AKT1: variants seen among roughly 807,000 people sequenced by gnomAD.
AKT1 encodes RAC-alpha serine/threonine-protein kinase.
Under a neutral mutation model 63.1 loss-of-function variants are expected in AKT1, and 21 were observed. The ratio of observed to expected loss-of-function variants is 0.33; its 90% CI spans 0.24 to 0.48. The LOEUF is 0.48. AKT1 is among the 20% of genes least tolerant of loss of function. The probability of loss-of-function intolerance (pLI) is 0.99; values close to 1 mark genes in which losing one functional copy is unlikely to be tolerated. For missense variants in AKT1, 382 were observed against 666.0 expected, an observed-to-expected ratio of 0.57 and a Z score of 4.69; for synonymous variants, 257 against 253.1, an observed-to-expected ratio of 1.02 and a Z score of -0.15.
chr14:104,775,963 C>T, intron 5 of AKT1, 164 bp from the exon 6 acceptor site: 1 of 780,188 alleles, frequency 1.3e-6, no homozygotes, highest in Non-Finnish European at 2.0e-6. Flanking sequence ...CACATACACT[C>T]AGGGTCACGA....
In AKT1 at chr14:104,774,040, G is replaced by A. The variant is rs530717201; in HGVS notation, c.634-60C>T. On this transcript the variant is annotated intron_variant, in intron 8 of 14. Coordinates refer to ENST00000649815, the MANE Select transcript of AKT1 (RefSeq NM_001382430.1). The stretch of plus-strand genomic sequence containing the variant: ...AGGCAGGACGGCAGCCCCGCACCAC[G>A]CTGCCCGACACCACGCTGCTTGATA... 1,431 of 1,511,384 alleles carry A rather than the reference G, an allele frequency of 9.5e-4. 18 individuals carry two copies. The Admixed American group carries it at 0.017, about 18-fold the overall frequency. 93.6% of individuals were successfully genotyped at this position (1,511,384 alleles called of 1,614,324 possible).
At chr14:104,786,255 A>C (rs1009675368) in intron 3 of AKT1, 2 of 152,274 alleles carry the variant, frequency 1.3e-5, no homozygotes, top group Non-Finnish European at 2.9e-5. Flanking sequence ...GGCTTTGCCA[A>C]GTGCCCTCCA....
At chr14:104,783,909 T>C (rs546584997) in intron 3 of AKT1, among the ~76,000 whole-genome samples, 102 of 152,274 alleles carry the variant, frequency 6.7e-4, no homozygotes, top group South Asian at 2.1e-3. Context: ...CCTTCAGAAA[T>C]GTCAGCAAGT....
intron 3 of AKT1, among the ~76,000 whole-genome samples, chr14:104,783,763 AC>A (rs1893195875): frequency 6.6e-6 from 1 of 151,016 alleles, no homozygotes; most frequent in Admixed American, 6.6e-5. Flanking sequence ...TAACTCTCAC[AC>A]CCCCATGCTG....
In AKT1 at chr14:104,780,213, T is replaced by TC. The variant is rs34409589; in HGVS notation, c.49dup (p.Glu17GlyfsTer16). The TC allele has an allele frequency of 1.9e-6, 3 of 1,613,030 alleles. No individual in the cohort carries two copies. The highest frequency in any genetic ancestry group is 2.5e-6 in the Non-Finnish European group (3 of 1,179,802). On this transcript the variant is annotated frameshift_variant, in exon 4 of 15. Coordinates refer to ENST00000649815, the MANE Select transcript of AKT1 (RefSeq NM_001382430.1). LOFTEE classifies it high-confidence loss of function. ...GCGTGGCCGCCAGGTCTTGATGTAC[T>TC]CCCCTACAGACGTGCGGGTGGTGAG...
At chr14:104,784,586 C>G (rs1221159010) in intron 3 of AKT1, among the ~76,000 whole-genome samples, 1 of 152,174 alleles carries the variant, frequency 6.6e-6, no homozygotes, top group Non-Finnish European at 1.5e-5. Flanking sequence ...AAGAGGGTTC[C>G]TTCCCAGAAG....
chr14:104,792,588 G>A lies in AKT1; in HGVS notation c.46+10C>T, dbSNP rs372014221. The stretch of plus-strand genomic sequence containing the variant: ...CCTCCCCAGGCCCAGCCCTGGCAGC[G>A]GGTACTAACCTCGTTTGTGCAGCCA... On this transcript the variant is annotated intron_variant, in intron 3 of 14. Transcript: ENST00000649815. 19 of 1,611,972 alleles carry A rather than the reference G, an allele frequency of 1.2e-5. No homozygotes were observed. The highest frequency in any genetic ancestry group is 5.0e-5 in the Admixed American group (3 of 59,998).
rs1180873760 is a variant in AKT1 at position 104,792,608 on chromosome 14, C to G, written c.36G>C (p.Leu12=). 6.2e-7 allele frequency: 1 copy of G among 1,611,998 alleles called. No homozygotes were observed. Among genetic ancestry groups the G allele is most frequent in the Admixed American group, 1.7e-5 (1 of 60,030 alleles). ...SDVAIVKEGW[L]HKRGEYIKTW... ...GCAGCGGGTACTAACCTCGTTTGTG[C>G]AGCCAACCCTCCTTCACAATAGCCA... Residue 12 remains leucine, a synonymous_variant, in exon 3 of 15, where the codon CTG becomes CTC. Transcript: ENST00000649815.
At position 104,781,553 on chromosome 14, in the gene AKT1, AGCCACCAAGGCTCGACACATG is replaced by A. The variant is rs372516403; in HGVS notation, c.47-1358_47-1338del. 1.6e-3 allele frequency among the ~76,000 whole-genome samples: 241 copies of A among 152,228 alleles called. 1 individual carries two copies. Among genetic ancestry groups the A allele is most frequent in the Middle Eastern group, 6.8e-3 (2 of 294 alleles). On this transcript the variant is annotated intron_variant, in intron 3 of 14. Transcript: ENST00000649815. ...ACGGGGGAGTTCTTTAATAGAGGTG[AGCCACCAAGGCTCGACACATG>A]GCCACCCCCCGGCCAGGTGACCTCT...
At chr14:104,779,628 CG>C (rs1892919197) in intron 4 of AKT1, among the ~76,000 whole-genome samples, 4 of 151,162 alleles carry the variant, frequency 2.6e-5, no homozygotes, top group African/African-American at 9.7e-5. Context: ...CAGAGACCCC[CG>C]CCCAGCCAGC....
Position 104,792,885 on chromosome 14 carries a change from C to T in AKT1, c.-79-163G>A, listed in dbSNP as rs571182575. The T allele has an allele frequency of 8.2e-4, 489 of 599,268 alleles. 5 individuals are homozygous for T. Among genetic ancestry groups the T allele is most frequent in the South Asian group, 6.8e-3 (347 of 51,246 alleles). 37.1% of individuals were successfully genotyped at this position (599,268 alleles called of 1,614,324 possible). Reference sequence around the variant, plus strand: ...CTAAGCTCTCTGACCCCCATCTGCCCGCCTGCCTTCCCTCTCCCCAAAACA... The same window carrying T: ...CTAAGCTCTCTGACCCCCATCTGCCTGCCTGCCTTCCCTCTCCCCAAAACA... On this transcript the variant is annotated intron_variant, in intron 2 of 14. Coordinates refer to ENST00000649815, the MANE Select transcript of AKT1 (RefSeq NM_001382430.1).
At chr14:104,781,926 C>T (rs1018693010) in intron 3 of AKT1, among the ~76,000 whole-genome samples, 5 of 152,210 alleles carry the variant, frequency 3.3e-5, no homozygotes, top group Non-Finnish European at 7.4e-5. Context: ...CCACCCACTC[C>T]GCAAGCCCTC....
At chr14:104,791,326 C>A (rs560606477) in intron 3 of AKT1, among the ~76,000 whole-genome samples, 1 of 152,016 alleles carries the variant, frequency 6.6e-6, no homozygotes, top group East Asian at 1.9e-4. Context: ...GGTGGCAGGA[C>A]TCCTGGGGAA....
intron 12 of AKT1, among the ~76,000 whole-genome samples, 173 bp from the exon 13 acceptor site, chr14:104,772,625 C>A (rs61761199): frequency 3.3e-4 from 51 of 152,338 alleles, no homozygotes; most frequent in African/African-American, 1.1e-3. Flanking sequence ...CACCACAGAG[C>A]TCACGGCAGG....
At chr14:104,781,957 G>A (rs1487385915) in intron 3 of AKT1, among the ~76,000 whole-genome samples, 1 of 152,210 alleles carries the variant, frequency 6.6e-6, no homozygotes, top group Admixed American at 6.5e-5. Context: ...CCAGTGGGCT[G>A]CCGAGCAGGC....
chr14:104,788,384 C>T (rs1269947672), intron 3 of AKT1, among the ~76,000 whole-genome samples: 1 of 152,134 alleles, frequency 6.6e-6, no homozygotes, highest in Non-Finnish European at 1.5e-5. Flanking sequence ...CAGCCTCCAT[C>T]TGCACACAAA....
intron 1 of AKT1, chr14:104,794,646 G>T (rs1283157378): frequency 6.6e-6 from 1 of 152,282 alleles, no homozygotes; most frequent in Non-Finnish European, 1.5e-5. Context: ...AGAGGCAACC[G>T]GACCCCCACC....
At chr14:104,782,062 G>A (rs1231454828) in intron 3 of AKT1, among the ~76,000 whole-genome samples, 1 of 152,258 alleles carries the variant, frequency 6.6e-6, no homozygotes, top group East Asian at 1.9e-4. Flanking sequence ...GTGCCACGCA[G>A]CTCCACCCCG....
chr14:104,783,374 G>A (rs1005413374), intron 3 of AKT1, among the ~76,000 whole-genome samples: 4 of 152,054 alleles, frequency 2.6e-5, no homozygotes, highest in African/African-American at 9.7e-5. Flanking sequence ...CAGGAAAAGT[G>A]CCCTGCATTG....
Sources: allele counts gnomAD v4.1 joint callset (sites outside exome capture counted in the v4.1 genomes callset), GRCh38; gene constraint gnomAD v4.1.1; transcripts MANE v1.5; gene names NCBI Gene and HGNC (gene_info 2026-07-23, HGNC 2026-07-21).